Variants in MAP3K9 observed in about 807,000 individuals in gnomAD.
MAP3K9 encodes mixed lineage kinase 1 (tyr and ser/thr specificity).
MAP3K9 carries 46 observed loss-of-function variants against 95.8 expected under a neutral mutation model. The observed-to-expected ratio is 0.48, with a 90% CI of 0.38 to 0.61. The LOEUF (loss-of-function observed/expected upper bound fraction) is 0.61. MAP3K9 is among the 20% of genes least tolerant of loss of function. MAP3K9 has a pLI of 0.00. For synonymous variants in MAP3K9, 533 were observed against 593.8 expected (o/e 0.90, Z 1.49); for missense variants, 1,296 against 1,474.3 (o/e 0.88, Z 1.98).
chr14:70,808,749 C>G lies in MAP3K9; in HGVS notation c.406+17G>C. The G allele has an allele frequency of 1.4e-6, 2 of 1,454,562 alleles. No individual in the cohort carries two copies. The highest frequency in any genetic ancestry group is 1.3e-5 in the South Asian group (1 of 74,302). The allele number at this position is 1,454,562 out of a possible 1,614,324, so 90.1% of individuals were successfully genotyped here. ...TCCGTCATTCCCCCTCCCCGCCCGG[C>G]CCCGCCTTCGCCTTACACTGAATGG... On this transcript the variant is annotated intron_variant, in intron 1 of 11. Coordinates refer to ENST00000554752, the MANE Select transcript of MAP3K9 (RefSeq NM_001284230.2).
intron 2 of MAP3K9, among the ~76,000 whole-genome samples, chr14:70,772,998 C>T (rs900688188): frequency 2.0e-5 from 3 of 152,162 alleles, no homozygotes; most frequent in African/African-American, 7.2e-5. Context: ...AAATACTAAA[C>T]ACCCTAAGAA....
In MAP3K9 at chr14:70,729,477, TCTGA is replaced by T. The variant is rs1310251151; in HGVS notation, c.*899_*902del. The stretch of plus-strand genomic sequence containing the variant: ...AAGGAACAGACAGTGGAATTTTGTC[TCTGA>T]CTTAGAACTGGCACCAGTGAGTGAG... On this transcript the variant is annotated 3_prime_UTR_variant, in exon 12 of 12. Transcript: ENST00000554752. 1.3e-5 allele frequency: 2 copies of T among 152,170 alleles called. No individual in the cohort carries two copies. The highest frequency in any genetic ancestry group is 2.9e-5 in the Non-Finnish European group (2 of 68,050). 9.4% of individuals were successfully genotyped at this position (152,170 alleles called of 1,614,324 possible).
intron 2 of MAP3K9, among the ~76,000 whole-genome samples, chr14:70,784,831 T>G (rs2054727648): frequency 6.6e-6 from 1 of 152,102 alleles, no homozygotes; most frequent in South Asian, 2.1e-4. Flanking sequence ...CTTGTGCATT[T>G]TAGGACCATC....
At chr14:70,791,927 C>A (rs1333631276) in intron 2 of MAP3K9, among the ~76,000 whole-genome samples, 1 of 152,168 alleles carries the variant, frequency 6.6e-6, no homozygotes. Context: ...CAACTTTGTG[C>A]AGGAGATGGC....
intron 2 of MAP3K9, among the ~76,000 whole-genome samples, chr14:70,769,685 G>A (rs961600488): frequency 4.6e-5 from 7 of 152,160 alleles, no homozygotes; most frequent in African/African-American, 9.7e-5. Flanking sequence ...CCCTTGGCTC[G>A]TAGCAGCGTT....
intron 2 of MAP3K9, among the ~76,000 whole-genome samples, chr14:70,767,724 T>C (rs2054476762): frequency 6.6e-6 from 1 of 152,186 alleles, no homozygotes. Flanking sequence ...GGTCTCACTC[T>C]GTTGCCCAGA....
In MAP3K9 at chr14:70,765,381, A is replaced by G. The variant is rs114128541; in HGVS notation, c.821-4199T>C. 2.4e-3 allele frequency: 1,257 copies of G among 532,902 alleles called. 11 individuals carry two copies. Among genetic ancestry groups the G allele is most frequent in the African/African-American group, 0.022 (1,144 of 51,384 alleles). 33.0% of individuals were successfully genotyped at this position (532,902 alleles called of 1,614,324 possible). A position where few individuals can be genotyped will look rare whatever the true frequency, so the allele number is the denominator to read the frequency against. On this transcript the variant is annotated intron_variant, in intron 2 of 11. Transcript: ENST00000554752. ...TGTAGCCTAAGTGTACAGTGTTTATAAGGTCTATGGTGGTATACAGTAATG... is the reference window on the plus strand; with the variant it reads ...TGTAGCCTAAGTGTACAGTGTTTATGAGGTCTATGGTGGTATACAGTAATG...
At chr14:70,779,957 C>T (rs1043017726) in intron 2 of MAP3K9, among the ~76,000 whole-genome samples, 19 of 152,238 alleles carry the variant, frequency 1.2e-4, no homozygotes, top group African/African-American at 4.1e-4. Context: ...GATAGATGAG[C>T]TTCCTGGGGC....
rs2054983992 is a variant in MAP3K9 at position 70,805,842 on chromosome 14, T to C, written c.406+2924A>G. On this transcript the variant is annotated intron_variant, in intron 1 of 11. Transcript: ENST00000554752. ...TTTGGGAGGCTGGGGTGGGAGGATC[T>C]CTTGAGCCCAGGAGTTCAAGGTTGC... 2.0e-5 allele frequency among the ~76,000 whole-genome samples: 3 copies of C among 152,158 alleles called. No individual in the cohort carries two copies. In the South Asian group the frequency reaches 6.2e-4, roughly 32 times the overall value.
At chr14:70,773,975 C>T (rs140735954) in intron 2 of MAP3K9, among the ~76,000 whole-genome samples, 1 of 152,196 alleles carries the variant, frequency 6.6e-6, no homozygotes, top group African/African-American at 2.4e-5. Context: ...AAAACAGACA[C>T]AGACATATCA....
intron 2 of MAP3K9, among the ~76,000 whole-genome samples, chr14:70,763,194 G>A (rs1442228865): frequency 2.6e-5 from 4 of 152,134 alleles, no homozygotes; most frequent in African/African-American, 9.7e-5. Flanking sequence ...TCAAATTTTG[G>A]TGAAGTCCAT....
intron 7 of MAP3K9, chr14:70,739,839 A>AG: frequency 6.7e-7 from 1 of 1,482,352 alleles, no homozygotes; most frequent in Non-Finnish European, 9.1e-7. Flanking sequence ...TAAAAGGTAG[A>AG]GGGGGCAGTA....
intron 5 of MAP3K9, among the ~76,000 whole-genome samples, chr14:70,747,780 T>C (rs1466771374): frequency 2.0e-5 from 3 of 152,188 alleles, no homozygotes; most frequent in Non-Finnish European, 4.4e-5. Context: ...CAATTTTAGC[T>C]ATCATTATTA....
chr14:70,806,588 C>T (rs1309814200), intron 1 of MAP3K9, among the ~76,000 whole-genome samples: 3 of 152,168 alleles, frequency 2.0e-5, no homozygotes, highest in Non-Finnish European at 2.9e-5. Flanking sequence ...CCACTCTATC[C>T]AAGATAACTT....
At chr14:70,787,701 C>T (rs1213428000) in intron 2 of MAP3K9, among the ~76,000 whole-genome samples, 1 of 151,996 alleles carries the variant, frequency 6.6e-6, no homozygotes, top group Non-Finnish European at 1.5e-5. Flanking sequence ...GGGTCCCAAG[C>T]CCCTGAGAAG....
At chr14:70,758,866 G>A (rs894147461) in intron 3 of MAP3K9, among the ~76,000 whole-genome samples, 2 of 151,910 alleles carry the variant, frequency 1.3e-5, no homozygotes, top group Non-Finnish European at 1.5e-5. Context: ...GGGTTCAAGC[G>A]ATTCTCCTGC....
chr14:70,762,120 T>G (rs1462241510), intron 2 of MAP3K9, among the ~76,000 whole-genome samples: 1 of 152,244 alleles, frequency 6.6e-6, no homozygotes, highest in African/African-American at 2.4e-5. Context: ...CCACTGTATG[T>G]ACATATTACA....
In MAP3K9 at chr14:70,784,384, C is replaced by T. The variant is rs1383692399; in HGVS notation, c.820+16283G>A. Among the ~76,000 whole-genome samples the T allele has an allele frequency of 3.3e-5, 5 of 152,130 alleles. No homozygotes were observed. In the South Asian group the frequency reaches 8.3e-4, roughly 25 times the overall value. ...GAGCCCAATAACATGGAAGCTTCTG[C>T]GATGGCCCAACTTCTGGACAGCTGT... On this transcript the variant is annotated intron_variant, in intron 2 of 11. Coordinates refer to ENST00000554752, the MANE Select transcript of MAP3K9 (RefSeq NM_001284230.2).
chr14:70,724,966 T>A lies in MAP3K9; in HGVS notation c.*5414A>T, dbSNP rs2053800622. 1 of 152,234 alleles carries A rather than the reference T, an allele frequency of 6.6e-6. No individual in the cohort carries two copies. The highest frequency in any genetic ancestry group is 1.5e-5 in the Non-Finnish European group (1 of 68,058). The allele number at this position is 152,234 out of a possible 1,614,324, so 9.4% of individuals were successfully genotyped here. Reference sequence around the variant, plus strand: ...CACCTGTCATGTCCACATCTGCCAATCAGCCTAGTAAAACTAGGTGATGAG... The same window carrying A: ...CACCTGTCATGTCCACATCTGCCAAACAGCCTAGTAAAACTAGGTGATGAG... On this transcript the variant is annotated 3_prime_UTR_variant, in exon 12 of 12. Coordinates refer to ENST00000554752, the MANE Select transcript of MAP3K9 (RefSeq NM_001284230.2).
Sources: gnomAD v4.1 joint callset for allele counts (sites outside exome capture counted in the v4.1 genomes callset) on GRCh38, gnomAD v4.1.1 for gene constraint, MANE v1.5 for transcripts, NCBI Gene and HGNC (gene_info 2026-07-23, HGNC 2026-07-21) for gene names.